The following RYR3 variants were observed in gnomAD, a reference collection of about 807,000 sequenced individuals.
The protein encoded by RYR3 is brain ryanodine receptor-calcium release channel.
Under a neutral mutation model 584.3 loss-of-function variants are expected in RYR3, and 207 were observed. The observed-to-expected ratio is 0.35, with a 90% confidence interval of 0.32 to 0.40. The LOEUF is 0.40. Among genes scored for constraint, RYR3 ranks in the 10% least tolerant of loss-of-function variants. RYR3 has a pLI of 1.00. For missense variants in RYR3, 5,616 were observed against 6,089.2 expected (o/e 0.92, Z 2.59); for synonymous variants, 2,416 against 2,248.5 (o/e 1.07, Z -2.11).
At chr15:33,571,716 A>G (rs1222104533) in intron 12 of RYR3, among the ~76,000 whole-genome samples, 3 of 152,294 alleles carry the variant, frequency 2.0e-5, no homozygotes, top group East Asian at 3.9e-4. Flanking sequence ...TCCCTTGTAG[A>G]CAACACATAT....
chr15:33,499,518 A>G (rs770163352), intron 2 of RYR3, among the ~76,000 whole-genome samples: 2 of 152,332 alleles, frequency 1.3e-5, no homozygotes, highest in Non-Finnish European at 2.9e-5. Flanking sequence ...ACAAATAAGA[A>G]CTTCAAAAAT....
intron 1 of RYR3, among the ~76,000 whole-genome samples, chr15:33,366,827 A>G (rs1975569360): frequency 6.6e-6 from 1 of 152,222 alleles, no homozygotes; most frequent in Admixed American, 6.5e-5. Context: ...CAAATGGAGA[A>G]CAATGAGACC....
At chr15:33,583,600 G>C (rs550946301) in intron 14 of RYR3, among the ~76,000 whole-genome samples, 2 of 152,304 alleles carry the variant, frequency 1.3e-5, no homozygotes, top group African/African-American at 4.8e-5. Flanking sequence ...TGTAAAGTGA[G>C]TCAATACTAG....
intron 3 of RYR3, among the ~76,000 whole-genome samples, chr15:33,512,818 T>G (rs2053157643): frequency 6.6e-6 from 1 of 152,214 alleles, no homozygotes; most frequent in African/African-American, 2.4e-5. Flanking sequence ...TGTAAACATC[T>G]TCATGAAAGT....
intron 2 of RYR3, among the ~76,000 whole-genome samples, chr15:33,488,977 T>C (rs1277353749): frequency 6.6e-6 from 1 of 152,230 alleles, no homozygotes; most frequent in Non-Finnish European, 1.5e-5. Flanking sequence ...TGTTGTATTT[T>C]GAAGTTATGT....
At chr15:33,752,330 A>G (rs1269737110) in intron 57 of RYR3, among the ~76,000 whole-genome samples, 1 of 152,080 alleles carries the variant, frequency 6.6e-6, no homozygotes, top group Non-Finnish European at 1.5e-5. Context: ...CAGTATGGCC[A>G]TTTTCTCAAT....
intron 67 of RYR3, among the ~76,000 whole-genome samples, chr15:33,789,925 C>G (rs956377029): frequency 2.0e-5 from 3 of 146,954 alleles, no homozygotes; most frequent in South Asian, 2.1e-4. Context: ...ATCCGCCTGC[C>G]TCGGCTTCCC....
Position 33,813,572 on chromosome 15 carries a change from C to T in RYR3, c.10495C>T (p.Leu3499=). Residue 3499 remains leucine (L), a synonymous_variant, in exon 74 of 104, where the codon CTG becomes TTG. Coordinates refer to ENST00000634891, the MANE Select transcript of RYR3 (RefSeq NM_001036.6). The stretch of plus-strand genomic sequence containing the variant: ...TTTCAGGATGGCCCCTCTCTACAAC[C>T]TGCCCAGGCAAGTATTTTGTCTTTT... The part of the protein sequence containing the change: ...ACFRMAPLYN[L]PRHRSINLFL... The T allele has an allele frequency of 1.2e-6, 2 of 1,613,494 alleles. No individual in the cohort carries two copies. Among genetic ancestry groups the T allele is most frequent in the Admixed American group, 1.7e-5 (1 of 60,024 alleles).
intron 3 of RYR3, among the ~76,000 whole-genome samples, chr15:33,522,689 CAAGTT>C (rs199962516): frequency 0.025 from 3,869 of 152,168 alleles, 61 homozygotes; most frequent in Non-Finnish European, 0.04. Context: ...GGTGAAGAAA[CAAGTT>C]AAGTGTCCCA....
intron 96 of RYR3, 91 bp downstream of exon 96, chr15:33,853,773 T>C: frequency 1.3e-6 from 2 of 1,500,004 alleles, no homozygotes; most frequent in East Asian, 4.6e-5. Context: ...GTGTCTTTGT[T>C]CTCTCAGGCT....
intron 19 of RYR3, among the ~76,000 whole-genome samples, chr15:33,622,059 C>G (rs1403392208): frequency 6.6e-6 from 1 of 152,212 alleles, no homozygotes; most frequent in Admixed American, 6.5e-5. Context: ...TGGATCACCT[C>G]CGTCCAACCC....
intron 58 of RYR3, 26 bp from the exon 59 acceptor site, chr15:33,756,280 A>C (rs1274542289): frequency 1.3e-6 from 2 of 1,545,364 alleles, no homozygotes; most frequent in Admixed American, 1.9e-5. Context: ...ACTCTGGCCA[A>C]CTTTGTGTTA....
chr15:33,437,075 CAA>C (rs1354449389), intron 1 of RYR3, among the ~76,000 whole-genome samples: 1 of 151,010 alleles, frequency 6.6e-6, no homozygotes, highest in Non-Finnish European at 1.5e-5. Context: ...CTGTCAATAT[CAA>C]GATTCCATGT....
At chr15:33,548,290 A>T (rs2056404344) in intron 9 of RYR3, 86 bp downstream of exon 9, 1 of 799,170 alleles carries the variant, frequency 1.3e-6, no homozygotes, top group Non-Finnish European at 2.0e-6. Context: ...TTCATTCCAC[A>T]TCATCTGGCA....
chr15:33,779,022 A>G (rs2074210040), intron 64 of RYR3, among the ~76,000 whole-genome samples: 1 of 152,246 alleles, frequency 6.6e-6, no homozygotes, highest in South Asian at 2.1e-4. Flanking sequence ...GGTAACTTGA[A>G]TGAAGACTGG....
chr15:33,555,294 T>A (rs1349929173), intron 10 of RYR3, among the ~76,000 whole-genome samples: 1 of 152,070 alleles, frequency 6.6e-6, no homozygotes, highest in African/African-American at 2.4e-5. Context: ...TTTTTGCCAG[T>A]CCCCTTGCTT....
chr15:33,746,211 G>T, intron 53 of RYR3, 54 bp downstream of exon 53: 1 of 1,271,784 alleles, frequency 7.9e-7, no homozygotes, highest in Non-Finnish European at 1.1e-6. Context: ...CCTTCCTTGA[G>T]TGATTTTATC....
At chr15:33,455,604 C>T (rs1007414232) in intron 1 of RYR3, among the ~76,000 whole-genome samples, 4 of 152,142 alleles carry the variant, frequency 2.6e-5, no homozygotes, top group Admixed American at 6.5e-5. Flanking sequence ...AGATGTCCCT[C>T]ATATAGGACA....
Position 33,343,377 on chromosome 15 carries a change from T to C in RYR3, c.51+32281T>C, listed in dbSNP as rs551870016. On this transcript the variant is annotated intron_variant, in intron 1 of 103. Transcript: ENST00000634891. ...TCTATTCCCTATCTCTTTTACAGTCTAACGAACACCTCCCTTTGTGTTTTC... is the reference window on the plus strand; with the variant it reads ...TCTATTCCCTATCTCTTTTACAGTCCAACGAACACCTCCCTTTGTGTTTTC... Among the ~76,000 whole-genome samples the C allele has an allele frequency of 2.0e-5, 3 of 152,338 alleles. No individual in the cohort carries two copies. In the South Asian group the frequency reaches 6.2e-4, roughly 32 times the overall value.
Sources: gnomAD v4.1 joint callset for allele counts (sites outside exome capture counted in the v4.1 genomes callset) on GRCh38, gnomAD v4.1.1 for gene constraint, MANE v1.5 for transcripts, NCBI Gene and HGNC (gene_info 2026-07-23, HGNC 2026-07-21) for gene names.